The following FOXJ3 variants were observed in gnomAD, a reference collection of about 807,000 sequenced individuals.
FOXJ3 encodes forkhead box J3, also known as forkhead box protein J3.
FOXJ3 carries 22 observed loss-of-function variants against 76.1 expected under a neutral mutation model. The ratio of observed to expected loss-of-function variants is 0.29; its 90% CI spans 0.21 to 0.41. FOXJ3 has a LOEUF of 0.41. Among genes scored for constraint, FOXJ3 ranks in the 10% least tolerant of loss-of-function variants. The pLI, the probability that FOXJ3 is intolerant of heterozygous loss-of-function variation, is 1.00. For synonymous variants in FOXJ3, 269 were observed against 261.2 expected (o/e 1.03, Z -0.29); for missense variants, 613 against 762.1 (o/e 0.80, Z 2.30).
intron 2 of FOXJ3, among the ~76,000 whole-genome samples, chr1:42,291,079 T>C (rs113871440): frequency 0.59 from 73,980 of 124,696 alleles, 21,643 homozygotes; most frequent in South Asian, 0.66. Flanking sequence ...GATAGATAGA[T>C]AGATAGACAG....
intron 5 of FOXJ3, among the ~76,000 whole-genome samples, chr1:42,219,098 T>A (rs1377481983): frequency 6.6e-6 from 1 of 152,242 alleles, no homozygotes; most frequent in Non-Finnish European, 1.5e-5. Flanking sequence ...TTTCACTTTC[T>A]GCAGTTTCAG....
At position 42,189,343 on chromosome 1, in the gene FOXJ3, G is replaced by A. The variant is rs1646497218; in HGVS notation, c.1413C>T (p.Ser471=). The A allele has an allele frequency of 6.2e-7, 1 of 1,613,582 alleles. No individual in the cohort carries two copies. The highest frequency in any genetic ancestry group is 2.2e-5 in the East Asian group (1 of 44,874). The change falls in exon 10 of 13, where the codon AGC becomes AGT. Residue 471 remains serine, a synonymous_variant. Coordinates refer to ENST00000361346, the MANE Select transcript of FOXJ3 (RefSeq NM_014947.5). ...GGTCTACATCTGACCAATTAACACT[G>A]CTGGCAATTCGACAGCTTTCTTTTA... ...DMLKESCRIA[S]SVNWSDVDLS... is the part of the protein sequence containing the mutation.
rs367800011 is a variant in FOXJ3 at position 42,199,115 on chromosome 1, T to C, written c.746A>G (p.His249Arg). ...ATCAAGACTTACCGGTGTATAACTA[T>C]GCACACTTCCAACACTGTTCAAATT... ...SVNLNSVGSV[H>R]SYTPVTSHPE... is the part of the protein sequence containing the mutation. Residue 249 changes from histidine to arginine, a missense_variant, in exon 7 of 13, where the codon CAT becomes CGT. His to Arg is a conservative substitution (Grantham distance 29). Coordinates refer to ENST00000361346, the MANE Select transcript of FOXJ3 (RefSeq NM_014947.5). The C allele has an allele frequency of 1.1e-5, 17 of 1,613,662 alleles. No homozygotes were observed. The highest frequency in any genetic ancestry group is 1.4e-5 in the Non-Finnish European group (16 of 1,179,586).
rs995435489 is a variant in FOXJ3, at chr1:42,294,406, TC to T, written c.45-15735del. 4.1e-4 allele frequency among the ~76,000 whole-genome samples: 62 copies of T among 152,068 alleles called. 1 individual carries two copies. Among genetic ancestry groups the T allele is most frequent in the Non-Finnish European group, 1.2e-4 (8 of 68,012 alleles). ...ATTCAAGCTGTTTACCTAAATTTTCTCCCCCAGGATTTAGAATTAGAAGTGA... is the reference window on the plus strand; with the variant it reads ...ATTCAAGCTGTTTACCTAAATTTTCTCCCCAGGATTTAGAATTAGAAGTGA... On this transcript the variant is annotated intron_variant, in intron 2 of 12. Coordinates refer to ENST00000361346, the MANE Select transcript of FOXJ3 (RefSeq NM_014947.5).
chr1:42,316,492 C>A (rs1387108118), intron 1 of FOXJ3, among the ~76,000 whole-genome samples: 2 of 151,890 alleles, frequency 1.3e-5, no homozygotes. Flanking sequence ...CGAGCTCTCT[C>A]CCCTCTCCCA....
intron 4 of FOXJ3, among the ~76,000 whole-genome samples, chr1:42,242,020 T>C (rs778522696): frequency 6.6e-6 from 1 of 151,878 alleles, no homozygotes; most frequent in Non-Finnish European, 1.5e-5. Context: ...CATTTACAAC[T>C]GAAGAAATCA....
intron 1 of FOXJ3, among the ~76,000 whole-genome samples, chr1:42,317,007 C>A (rs1369792288): frequency 6.6e-6 from 1 of 151,826 alleles, no homozygotes; most frequent in South Asian, 2.1e-4. Context: ...CACTTGTTCC[C>A]CAAAAACCTA....
intron 2 of FOXJ3, among the ~76,000 whole-genome samples, chr1:42,289,544 TATACAA>T (rs1445125590): frequency 2.6e-5 from 4 of 152,156 alleles, no homozygotes; most frequent in Non-Finnish European, 5.9e-5. Flanking sequence ...GTGTACAACA[TATACAA>T]ATACAATTCA....
At chr1:42,310,589 A>G (rs914889270) in intron 2 of FOXJ3, among the ~76,000 whole-genome samples, 3 of 151,700 alleles carry the variant, frequency 2.0e-5, no homozygotes, top group African/African-American at 7.3e-5. Context: ...CTGGGATTAC[A>G]GGTGTGAGCC....
At chr1:42,324,819 T>C (rs905896882) in intron 1 of FOXJ3, among the ~76,000 whole-genome samples, 2 of 152,158 alleles carry the variant, frequency 1.3e-5, no homozygotes, top group African/African-American at 4.8e-5. Context: ...GGACTGGCAG[T>C]TGCTCAGAGT....
chr1:42,305,801 A>G (rs1654423027), intron 2 of FOXJ3, among the ~76,000 whole-genome samples: 1 of 152,228 alleles, frequency 6.6e-6, no homozygotes, highest in African/African-American at 2.4e-5. Context: ...GTTTGATTGC[A>G]CAACAGGGTG....
intron 2 of FOXJ3, among the ~76,000 whole-genome samples, chr1:42,292,039 G>C (rs1336338614): frequency 6.6e-6 from 1 of 152,010 alleles, no homozygotes; most frequent in Non-Finnish European, 1.5e-5. Flanking sequence ...ACCCTGAGGA[G>C]GGGGGTGCAA....
chr1:42,220,501 G>A (rs1647160154), intron 5 of FOXJ3, among the ~76,000 whole-genome samples: 1 of 152,058 alleles, frequency 6.6e-6, no homozygotes, highest in Non-Finnish European at 1.5e-5. Context: ...ACACTCTGAA[G>A]GTTGCTTACT....
At chr1:42,263,043 T>TCTC (rs1313999818) in intron 4 of FOXJ3, among the ~76,000 whole-genome samples, 1 of 152,216 alleles carries the variant, frequency 6.6e-6, no homozygotes, top group African/African-American at 2.4e-5. Flanking sequence ...AGATGAAAGC[T>TCTC]CTCATTAGCC....
chr1:42,263,460 A>G (rs1651216680), intron 4 of FOXJ3, among the ~76,000 whole-genome samples: 2 of 152,328 alleles, frequency 1.3e-5, no homozygotes, highest in Middle Eastern at 3.4e-3. Context: ...AGGAAATGTG[A>G]TAAAGAATTT....
At chr1:42,189,265 G>A (rs1390201155) in intron 10 of FOXJ3, 38 bp downstream of exon 10, 3 of 1,192,346 alleles carry the variant, frequency 2.5e-6, no homozygotes, top group Non-Finnish European at 3.8e-6. Context: ...ACAGGATCAT[G>A]TGTATTTGGT....
At chr1:42,246,851 C>T (rs1291432164) in intron 4 of FOXJ3, among the ~76,000 whole-genome samples, 1 of 152,058 alleles carries the variant, frequency 6.6e-6, no homozygotes, top group African/African-American at 2.4e-5. Flanking sequence ...CAATGAAATA[C>T]TATCATAAAA....
intron 2 of FOXJ3, among the ~76,000 whole-genome samples, chr1:42,281,210 A>G (rs1652683512): frequency 1.3e-5 from 2 of 152,180 alleles, no homozygotes; most frequent in African/African-American, 2.4e-5. Flanking sequence ...TAAAAAATAA[A>G]ATAAAATAAA....
Position 42,195,051 on chromosome 1 carries a change from G to A in FOXJ3, c.773C>T (p.Pro258Leu). The A allele has an allele frequency of 6.2e-7, 1 of 1,601,800 alleles. No homozygotes were observed. Among genetic ancestry groups the A allele is most frequent in the Non-Finnish European group, 8.5e-7 (1 of 1,175,910 alleles). Reference protein sequence around the residue: ...VHSYTPVTSHPESVSQSLTPQ... With the variant: ...VHSYTPVTSHLESVSQSLTPQ... ...AGTTAATGATTGAGAGACTGATTCT[G>A]GATGGCTTGTCACCTAACATTAAAA... The change falls in exon 8 of 13, where the codon CCA becomes CTA. Residue 258 changes from proline (P) to leucine (L), a missense_variant. By Grantham distance (98) the Pro-to-Leu change is moderately conservative (BLOSUM62 -3). Coordinates refer to ENST00000361346, the MANE Select transcript of FOXJ3 (RefSeq NM_014947.5).
Sources: allele counts gnomAD v4.1 joint callset (sites outside exome capture counted in the v4.1 genomes callset), GRCh38; gene constraint gnomAD v4.1.1; transcripts MANE v1.5; gene names NCBI Gene and HGNC (gene_info 2026-07-23, HGNC 2026-07-21).